Variants in NUBPL observed in about 807,000 individuals in gnomAD.
NUBPL encodes the protein NUBP iron-sulfur cluster assembly factor, mitochondrial.
Under a neutral mutation model 45.7 loss-of-function variants are expected in NUBPL, and 31 were observed. The observed-to-expected ratio is 0.68, with a 90% CI of 0.51 to 0.92. The LOEUF (loss-of-function observed/expected upper bound fraction) is 0.92. Ranked by LOEUF, NUBPL falls within the 40% of genes least tolerant of loss-of-function variation. The probability of loss-of-function intolerance (pLI) is 0.00; values close to 1 mark genes in which losing one functional copy is unlikely to be tolerated. For missense variants in NUBPL, 401 were observed against 398.7 expected (o/e 1.01, Z -0.05); for synonymous variants, 144 against 140.9 (o/e 1.02, Z -0.15).
intron 7 of NUBPL, among the ~76,000 whole-genome samples, chr14:31,788,283 C>A (rs57249611): frequency 0.035 from 5,348 of 152,222 alleles, 219 homozygotes; most frequent in African/African-American, 0.099. Flanking sequence ...AAAGAGGAGG[C>A]AGAATGGGCT....
intron 2 of NUBPL, among the ~76,000 whole-genome samples, chr14:31,563,538 G>A (rs970431194): frequency 6.6e-6 from 1 of 152,090 alleles, no homozygotes; most frequent in Non-Finnish European, 1.5e-5. Context: ...TAACAGCTCT[G>A]TGAGCATATC....
At chr14:31,806,699 G>A (rs2039693762) in intron 7 of NUBPL, among the ~76,000 whole-genome samples, 2 of 152,016 alleles carry the variant, frequency 1.3e-5, no homozygotes, top group Non-Finnish European at 2.9e-5. Flanking sequence ...GTATACATGT[G>A]CCGTGTTGGT....
chr14:31,646,906 T>C (rs2035870159), intron 4 of NUBPL, among the ~76,000 whole-genome samples: 1 of 152,162 alleles, frequency 6.6e-6, no homozygotes, highest in South Asian at 2.1e-4. Flanking sequence ...CTTTTCTTTC[T>C]TTTTTCTCCT....
chr14:31,638,916 G>A (rs188077878), intron 4 of NUBPL, among the ~76,000 whole-genome samples: 7 of 152,242 alleles, frequency 4.6e-5, no homozygotes, highest in South Asian at 2.1e-4. Context: ...TAGTTCTTGA[G>A]CCTTGGCTTT....
chr14:31,810,204 G>A lies in NUBPL; in HGVS notation c.608-16425G>A, dbSNP rs146144354. Among the ~76,000 whole-genome samples, 281 of 152,206 alleles carry A rather than the reference G, an allele frequency of 1.8e-3. 1 individual carries two copies. The highest frequency in any genetic ancestry group is 6.4e-3 in the African/African-American group (267 of 41,518). ...CTTATGTCTTGTTGATCTGTCTAAT[G>A]TTGACAGTGGGGTGTTAAAGTCTCC... On this transcript the variant is annotated intron_variant, in intron 7 of 10. Transcript: ENST00000281081.
At chr14:31,735,838 C>T (rs1055912697) in intron 6 of NUBPL, among the ~76,000 whole-genome samples, 122 of 152,078 alleles carry the variant, frequency 8.0e-4, no homozygotes, top group African/African-American at 2.8e-3. Flanking sequence ...GGCGACAGAG[C>T]GAGACTCTGT....
chr14:31,574,214 C>A (rs2139472219), intron 3 of NUBPL, among the ~76,000 whole-genome samples: 1 of 152,154 alleles, frequency 6.6e-6, no homozygotes, highest in Middle Eastern at 3.4e-3. Flanking sequence ...TAAATAAAAG[C>A]TTTTAAGTAA....
At chr14:31,746,672 G>A (rs1425711826) in intron 6 of NUBPL, among the ~76,000 whole-genome samples, 1 of 151,840 alleles carries the variant, frequency 6.6e-6, no homozygotes, top group African/African-American at 2.4e-5. Flanking sequence ...GTTTGGTTTT[G>A]GTATCAGAGT....
intron 7 of NUBPL, among the ~76,000 whole-genome samples, chr14:31,788,482 T>A (rs2039324280): frequency 6.6e-6 from 1 of 152,212 alleles, no homozygotes; most frequent in African/African-American, 2.4e-5. Context: ...ATTCTCTTAC[T>A]CTGAGTTGAT....
intron 6 of NUBPL, among the ~76,000 whole-genome samples, chr14:31,751,581 G>C (rs2038530574): frequency 6.6e-6 from 1 of 152,238 alleles, no homozygotes; most frequent in Non-Finnish European, 1.5e-5. Context: ...GGCCAGCTCT[G>C]CCCCTGTGGC....
chr14:31,681,611 T>G (rs2036835995), intron 6 of NUBPL, among the ~76,000 whole-genome samples: 1 of 152,024 alleles, frequency 6.6e-6, no homozygotes, highest in Non-Finnish European at 1.5e-5. Flanking sequence ...TACCCTTCTT[T>G]TTCTAGCTCT....
chr14:31,860,489 A>G lies in NUBPL; in HGVS notation c.*1309A>G, dbSNP rs997873666. 6.6e-6 allele frequency: 1 copy of G among 152,146 alleles called. No individual in the cohort carries two copies. Among genetic ancestry groups the G allele is most frequent in the African/African-American group, 2.4e-5 (1 of 41,442 alleles). 9.4% of individuals were successfully genotyped at this position (152,146 alleles called of 1,614,324 possible). ...ATTGAAGCTCAAAGAGATAGAGTCA[A>G]TGACTTTTCAAAGTCAGGTAGCAGA... On this transcript the variant is annotated 3_prime_UTR_variant, in exon 11 of 11. Transcript: ENST00000281081.
In NUBPL at chr14:31,619,488, AAAATTTCTC is replaced by A. The variant is rs532162206; in HGVS notation, c.382+20112_382+20120del. 3.5e-4 allele frequency among the ~76,000 whole-genome samples: 53 copies of A among 152,334 alleles called. No individual in the cohort carries two copies. In the South Asian group the frequency reaches 0.011, roughly 30 times the overall value. On this transcript the variant is annotated intron_variant, in intron 4 of 10. Coordinates refer to ENST00000281081, the MANE Select transcript of NUBPL (RefSeq NM_025152.3). Reference sequence around the variant, plus strand: ...TTTGTAAGGCAGGCCTGGTGGTGACAAAATTTCTCAATATTTGCCTATTTGTAAAGGATT... The same window carrying A: ...TTTGTAAGGCAGGCCTGGTGGTGACAAATATTTGCCTATTTGTAAAGGATT...
At chr14:31,646,151 A>G (rs1008214262) in intron 4 of NUBPL, among the ~76,000 whole-genome samples, 11 of 151,600 alleles carry the variant, frequency 7.3e-5, no homozygotes, top group Admixed American at 5.3e-4. Flanking sequence ...TGGATATACT[A>G]TTCTTGGATG....
intron 6 of NUBPL, among the ~76,000 whole-genome samples, chr14:31,729,405 C>A (rs2038001450): frequency 6.7e-6 from 1 of 150,230 alleles, no homozygotes; most frequent in African/African-American, 2.4e-5. Flanking sequence ...AGTAAACAAA[C>A]ATAGAATAAA....
At chr14:31,664,664 G>A (rs571823924) in intron 4 of NUBPL, among the ~76,000 whole-genome samples, 3 of 152,266 alleles carry the variant, frequency 2.0e-5, no homozygotes, top group African/African-American at 4.8e-5. Flanking sequence ...TTTTCACATC[G>A]ATGTTCATCA....
At chr14:31,642,895 G>A (rs1236706342) in intron 4 of NUBPL, among the ~76,000 whole-genome samples, 1 of 151,996 alleles carries the variant, frequency 6.6e-6, no homozygotes, top group African/African-American at 2.4e-5. Context: ...TGATTTCTAA[G>A]TATTTTATAT....
intron 6 of NUBPL, among the ~76,000 whole-genome samples, chr14:31,718,083 G>A (rs1211356591): frequency 6.6e-6 from 1 of 152,136 alleles, no homozygotes; most frequent in African/African-American, 2.4e-5. Context: ...TCACTAACTG[G>A]TATCCTAAAA....
rs61997411 is a variant in NUBPL at position 31,742,695 on chromosome 14, C to T, written c.514-45085C>T. 4.1e-4 allele frequency among the ~76,000 whole-genome samples: 63 copies of T among 152,024 alleles called. 1 individual carries two copies. Among genetic ancestry groups the T allele is most frequent in the Admixed American group, 3.1e-3 (47 of 15,274 alleles). ...CTCAGCTCACTGCAACCTCCACTTC[C>T]TGGGTTCAAGTGATCCTCCTGCCTC... On this transcript the variant is annotated intron_variant, in intron 6 of 10. Coordinates refer to ENST00000281081, the MANE Select transcript of NUBPL (RefSeq NM_025152.3).
Sources: allele counts gnomAD v4.1 joint callset (sites outside exome capture counted in the v4.1 genomes callset), GRCh38; gene constraint gnomAD v4.1.1; transcripts MANE v1.5; gene names NCBI Gene and HGNC (gene_info 2026-07-23, HGNC 2026-07-21).